PIK3C3: variants seen among roughly 807,000 people sequenced by gnomAD.
PIK3C3 encodes phosphatidylinositol 3-kinase catalytic subunit type 3, also known as PI3-kinase type 3.
PIK3C3 carries 95 observed loss-of-function variants against 126.1 expected under a neutral mutation model. The observed-to-expected ratio is 0.75, with a 90% CI of 0.64 to 0.89. The LOEUF is 0.89. Ranked by LOEUF, PIK3C3 falls within the 40% of genes least tolerant of loss-of-function variation. The pLI, the probability that PIK3C3 is intolerant of heterozygous loss-of-function variation, is 0.00. For missense variants in PIK3C3, 829 were observed against 1,063.2 expected (o/e 0.78, Z 3.06); for synonymous variants, 374 against 360.0 (o/e 1.04, Z -0.44).
chr18:42,027,187 T>C (rs1407087609), intron 13 of PIK3C3: 1 of 219,782 alleles, frequency 4.5e-6, no homozygotes, highest in Non-Finnish European at 9.0e-6. Flanking sequence ...CTTGTTTTGG[T>C]GGCAAAAGTT....
chr18:41,957,863 T>C, intron 2 of PIK3C3, 105 bp downstream of exon 2: 1 of 775,612 alleles, frequency 1.3e-6, no homozygotes, highest in Non-Finnish European at 2.0e-6. Flanking sequence ...TCTTAATACC[T>C]ATAGGCATTG....
At chr18:41,976,408 T>C (rs2510011) in intron 4 of PIK3C3, among the ~76,000 whole-genome samples, 1 of 152,324 alleles carries the variant, frequency 6.6e-6, no homozygotes, top group South Asian at 2.1e-4. Flanking sequence ...ATGTCATTAT[T>C]GTTAGTGTTA....
intron 13 of PIK3C3, chr18:42,026,857 TAAG>T (rs1164084809): frequency 6.6e-6 from 1 of 152,284 alleles, no homozygotes; most frequent in Non-Finnish European, 1.5e-5. Flanking sequence ...AGATGAGGGT[TAAG>T]AAGACATTTA....
intron 15 of PIK3C3, among the ~76,000 whole-genome samples, chr18:42,031,955 A>G (rs184387000): frequency 4.6e-5 from 7 of 152,352 alleles, no homozygotes; most frequent in East Asian, 1.9e-4. Context: ...AGTAAATGCA[A>G]TAAATAAATA....
chr18:42,047,968 C>T (rs899865517), intron 20 of PIK3C3, among the ~76,000 whole-genome samples: 11 of 152,172 alleles, frequency 7.2e-5, no homozygotes, highest in Non-Finnish European at 1.5e-4. Context: ...TTCAACCCTG[C>T]CATTGTAATG....
At chr18:42,056,576 AC>A (rs1355102846) in intron 21 of PIK3C3, among the ~76,000 whole-genome samples, 1 of 152,170 alleles carries the variant, frequency 6.6e-6, no homozygotes, top group Non-Finnish European at 1.5e-5. Context: ...ATGTATCTAC[AC>A]CTGTAATATT....
intron 3 of PIK3C3, among the ~76,000 whole-genome samples, chr18:41,963,389 G>A (rs929733507): frequency 6.6e-6 from 1 of 152,116 alleles, no homozygotes. Context: ...TTTTTTATGT[G>A]TTTTAGTCCA....
chr18:41,972,160 A>G (rs1174658871), intron 4 of PIK3C3, among the ~76,000 whole-genome samples: 1 of 152,092 alleles, frequency 6.6e-6, no homozygotes, highest in Non-Finnish European at 1.5e-5. Flanking sequence ...TAGAAAAAAG[A>G]TGTGACTTAA....
At chr18:42,078,829 C>T (rs1193211222) in intron 24 of PIK3C3, among the ~76,000 whole-genome samples, 1 of 152,172 alleles carries the variant, frequency 6.6e-6, no homozygotes, top group Non-Finnish European at 1.5e-5. Flanking sequence ...ATCAACCAAC[C>T]TCTGCTACCT....
At chr18:41,977,215 G>T (rs189034510) in intron 4 of PIK3C3, among the ~76,000 whole-genome samples, 148 of 152,208 alleles carry the variant, frequency 9.7e-4, no homozygotes, top group African/African-American at 3.2e-3. Flanking sequence ...TATGGCTTCA[G>T]TTGTTACGAA....
chr18:41,958,374 A>G (rs557732560), intron 2 of PIK3C3, among the ~76,000 whole-genome samples: 1 of 152,138 alleles, frequency 6.6e-6, no homozygotes, highest in Admixed American at 6.6e-5. Context: ...CTGATGTTTG[A>G]TCAGCGAGTG....
intron 14 of PIK3C3, 65 bp from the exon 15 acceptor site, chr18:42,029,260 C>A: frequency 2.2e-6 from 2 of 896,278 alleles, no homozygotes; most frequent in Non-Finnish European, 3.8e-6. Context: ...ATTATCCATG[C>A]TGTTAAAGAA....
chr18:42,049,426 GAAAAC>G (rs1984694134), intron 20 of PIK3C3, 100 bp from the exon 21 acceptor site: 4 of 672,118 alleles, frequency 6.0e-6, no homozygotes, highest in Non-Finnish European at 9.9e-6. Flanking sequence ...AGAGACATTA[GAAAAC>G]AAATTGATAT....
At chr18:42,068,867 A>G (rs922580538) in intron 24 of PIK3C3, among the ~76,000 whole-genome samples, 20 of 150,298 alleles carry the variant, frequency 1.3e-4, no homozygotes, top group African/African-American at 3.7e-4. Context: ...GGAGAATGGC[A>G]TGAACCTGGG....
chr18:42,073,932 A>C (rs186145698), intron 24 of PIK3C3, among the ~76,000 whole-genome samples: 1 of 152,222 alleles, frequency 6.6e-6, no homozygotes, highest in East Asian at 1.9e-4. Flanking sequence ...CTCTAGGTAA[A>C]GTACAAGCAT....
At chr18:41,961,804 A>G (rs995587656) in intron 2 of PIK3C3, among the ~76,000 whole-genome samples, 16 of 152,170 alleles carry the variant, frequency 1.1e-4, no homozygotes, top group Admixed American at 8.5e-4. Flanking sequence ...ACATAAATAT[A>G]TAGAGGGTTT....
At chr18:42,079,642 G>T (rs548582018) in intron 24 of PIK3C3, among the ~76,000 whole-genome samples, 80 of 152,202 alleles carry the variant, frequency 5.3e-4, no homozygotes, top group African/African-American at 1.9e-3. Context: ...ATAAAACAAG[G>T]TATGCTGGTA....
At chr18:42,016,502 C>T (rs1403606964) in intron 12 of PIK3C3, among the ~76,000 whole-genome samples, 1 of 152,046 alleles carries the variant, frequency 6.6e-6, no homozygotes. Context: ...GTTGATGCAG[C>T]AGAAAACAAG....
At chr18:42,019,026 C>T (rs553060230) in intron 12 of PIK3C3, among the ~76,000 whole-genome samples, 10 of 152,144 alleles carry the variant, frequency 6.6e-5, no homozygotes, top group African/African-American at 2.2e-4. Context: ...TCTTCATGCC[C>T]CGCCTCCCAA....
Sources: gnomAD v4.1 joint callset for allele counts (sites outside exome capture counted in the v4.1 genomes callset) on GRCh38, gnomAD v4.1.1 for gene constraint, MANE v1.5 for transcripts, NCBI Gene and HGNC (gene_info 2026-07-23, HGNC 2026-07-21) for gene names.